Variants in SMIM47 observed in about 807,000 individuals in gnomAD.
The protein encoded by SMIM47 is small integral membrane protein 47, also known as CTD-2568A17.1.
At chr19:50,786,007 G>A in the SMIM47 span, 4 of 398,874 alleles carry the variant, frequency 1.0e-5, no homozygotes, top group South Asian at 5.1e-4. Context: ...ACATTCTGGG[G>A]GGGAGATCAG....
At chr19:50,786,153 G>A in the SMIM47 span, 4 of 398,566 alleles carry the variant, frequency 1.0e-5, no homozygotes, top group Non-Finnish European at 1.8e-5. Context: ...TCTCTTTCCT[G>A]GGCCTCTGAG....
chr19:50,785,761 C>T, the SMIM47 span: 13 of 398,464 alleles, frequency 3.3e-5, no homozygotes, highest in African/African-American at 2.1e-4. Flanking sequence ...GGCCTCAGAG[C>T]GATGGCAGAG....
chr19:50,785,972 GGT>G, the SMIM47 span: 1 of 398,990 alleles, frequency 2.5e-6, no homozygotes, highest in East Asian at 3.6e-5. Flanking sequence ...AGGTCAGGAT[GGT>G]GAACAAGGCC....
At chr19:50,785,824 C>T in the SMIM47 span, 7 of 398,518 alleles carry the variant, frequency 1.8e-5, no homozygotes, top group Non-Finnish European at 2.7e-5. Context: ...ACTGCTGAGC[C>T]TGAGAGAGGA....
the SMIM47 span, chr19:50,786,146 C>T: frequency 1.0e-5 from 4 of 398,498 alleles, no homozygotes; most frequent in African/African-American, 6.2e-5. Flanking sequence ...TCTTCTCTCT[C>T]TTTCCTGGGC....
At chr19:50,785,796 G>A in the SMIM47 span, 2 of 398,662 alleles carry the variant, frequency 5.0e-6, no homozygotes, top group East Asian at 7.1e-5. Context: ...CTTGTGCGGG[G>A]AGGTCCTGTG....
chr19:50,786,104 T>A, the SMIM47 span: 2 of 398,860 alleles, frequency 5.0e-6, no homozygotes, highest in African/African-American at 4.1e-5. Flanking sequence ...TGAAAGTTCA[T>A]GGCCTTGGGA....
chr19:50,786,099 G>A, the SMIM47 span: 1 of 399,000 alleles, frequency 2.5e-6, no homozygotes, highest in Non-Finnish European at 4.4e-6. Flanking sequence ...CTTCCTGAAA[G>A]TTCATGGCCT....
At chr19:50,785,815 C>T in the SMIM47 span, 3 of 398,706 alleles carry the variant, frequency 7.5e-6, no homozygotes, top group Non-Finnish European at 1.3e-5. Flanking sequence ...TGTCTTCTCA[C>T]TGCTGAGCCT....
the SMIM47 span, chr19:50,785,896 A>G: frequency 2.5e-6 from 1 of 399,028 alleles, no homozygotes. Context: ...GAACTGGACC[A>G]GGGAGACAGA....
the SMIM47 span, chr19:50,785,924 C>A: frequency 2.5e-6 from 1 of 399,098 alleles, no homozygotes; most frequent in Non-Finnish European, 4.4e-6. Flanking sequence ...CCCCCACCTC[C>A]GCTCTTCTCC....
At chr19:50,786,074 C>A in the SMIM47 span, 15 of 399,184 alleles carry the variant, frequency 3.8e-5, no homozygotes, top group African/African-American at 3.1e-4. Context: ...CCCTTCCCTG[C>A]CAGACCCCTC....
At chr19:50,786,113 G>A in the SMIM47 span, 1 of 398,826 alleles carries the variant, frequency 2.5e-6, no homozygotes, top group Non-Finnish European at 4.4e-6. Context: ...ATGGCCTTGG[G>A]ACTCCAGCCA....
the SMIM47 span, chr19:50,785,750 T>C: frequency 5.0e-3 from 2,005 of 398,294 alleles, 9 homozygotes; most frequent in Middle Eastern, 0.023. Flanking sequence ...TACATTTATC[T>C]GGCCTCAGAG....
the SMIM47 span, chr19:50,785,859 G>A: frequency 1.0e-5 from 4 of 398,730 alleles, no homozygotes; most frequent in African/African-American, 8.2e-5. Context: ...ACAGAGATGT[G>A]GGAGAGAAAG....
the SMIM47 span, chr19:50,786,118 C>T: frequency 2.5e-6 from 1 of 398,760 alleles, no homozygotes; most frequent in Admixed American, 4.4e-5. Flanking sequence ...CTTGGGACTC[C>T]AGCCACCCCT....
chr19:50,786,135 G>A, the SMIM47 span: 3 of 398,688 alleles, frequency 7.5e-6, no homozygotes, highest in Non-Finnish European at 1.3e-5. Flanking sequence ...CCCTTGGTTG[G>A]TCTTCTCTCT....
At chr19:50,785,907 G>A in the SMIM47 span, 4 of 399,022 alleles carry the variant, frequency 1.0e-5, no homozygotes, top group Non-Finnish European at 1.8e-5. Flanking sequence ...GGGAGACAGA[G>A]ACTCAGCCCC....
the SMIM47 span, chr19:50,785,902 A>T: frequency 4.8e-5 from 19 of 398,974 alleles, no homozygotes; most frequent in African/African-American, 3.9e-4. Context: ...GACCAGGGAG[A>T]CAGAGACTCA....
Sources: gnomAD v4.1 joint callset for allele counts on GRCh38, gnomAD v4.1.1 for gene constraint, MANE v1.5 for transcripts, NCBI Gene and HGNC (gene_info 2026-07-23, HGNC 2026-07-21) for gene names.